The following ASTN2 variants were observed in gnomAD, a reference collection of about 807,000 sequenced individuals.
The protein encoded by ASTN2 is astrotactin-2.
Under a neutral mutation model 139.8 loss-of-function variants are expected in ASTN2, and 54 were observed. The ratio of observed to expected loss-of-function variants is 0.39; its 90% CI spans 0.31 to 0.48. The LOEUF (loss-of-function observed/expected upper bound fraction) is 0.48, where lower values mean the gene tolerates loss of function less well. Among genes scored for constraint, ASTN2 ranks in the 20% least tolerant of loss-of-function variants. The pLI, the probability that ASTN2 is intolerant of heterozygous loss-of-function variation, is 0.95. For synonymous variants in ASTN2, 756 were observed against 719.5 expected, an observed-to-expected ratio of 1.05 and a Z score of -0.81; for missense variants, 1,565 against 1,725.1, an observed-to-expected ratio of 0.91 and a Z score of 1.64.
At chr9:117,000,186 C>T (rs999861864) in intron 7 of ASTN2, among the ~76,000 whole-genome samples, 1 of 152,180 alleles carries the variant, frequency 6.6e-6, no homozygotes, top group African/African-American at 2.4e-5. Flanking sequence ...TTTTTCATCT[C>T]ATCCTTATGA....
intron 19 of ASTN2, among the ~76,000 whole-genome samples, chr9:116,534,741 C>T (rs940667859): frequency 6.8e-4 from 103 of 152,094 alleles, no homozygotes; most frequent in Non-Finnish European, 1.2e-3. Flanking sequence ...TGTTTTAATT[C>T]CTGTTCTTTT....
Position 117,214,647 on chromosome 9 carries a change from C to G in ASTN2, c.726G>C (p.Lys242Asn), listed in dbSNP as rs747389913. 1 of 1,564,212 alleles carries G rather than the reference C, an allele frequency of 6.4e-7. No individual in the cohort carries two copies. The part of the protein sequence containing the change: ...RWQKRRRIPQ[K>N]SASTEATHEI... Reference sequence around the variant, plus strand: ...CATGAGTGGCTTCTGTGCTTGCGCTCTTCTGGGGGATGCGGCGACGCTTCT... The same window carrying G: ...CATGAGTGGCTTCTGTGCTTGCGCTGTTCTGGGGGATGCGGCGACGCTTCT... The change falls in exon 3 of 23, where the codon AAG becomes AAC. Residue 242 changes from lysine (K) to asparagine (N), a missense_variant. This residue lies in a region of ASTN2 where 596 missense variants were observed against 576.8 expected (regional missense o/e 1.03). Transcript: ENST00000313400.
chr9:117,364,441 A>G (rs1349750119), intron 1 of ASTN2, among the ~76,000 whole-genome samples: 2 of 152,350 alleles, frequency 1.3e-5, no homozygotes, highest in East Asian at 3.9e-4. Flanking sequence ...GCAAAGAAAA[A>G]TATGAGCCTT....
chr9:116,581,287 C>A (rs1010684226), intron 19 of ASTN2, among the ~76,000 whole-genome samples: 7 of 152,086 alleles, frequency 4.6e-5, no homozygotes, highest in African/African-American at 1.4e-4. Context: ...AATCACAGAC[C>A]TGGGTTCAAA....
intron 20 of ASTN2, among the ~76,000 whole-genome samples, chr9:116,455,136 G>C (rs1455607711): frequency 6.6e-6 from 1 of 152,010 alleles, no homozygotes; most frequent in Non-Finnish European, 1.5e-5. Flanking sequence ...ATCACCTGAG[G>C]TCAGGAGTTC....
intron 19 of ASTN2, 103 bp from the exon 20 acceptor site, chr9:116,487,603 G>A: frequency 8.9e-7 from 1 of 1,123,806 alleles, no homozygotes; most frequent in Non-Finnish European, 1.2e-6. Flanking sequence ...CCATTATCAA[G>A]AAAAATAATG....
In ASTN2 at chr9:117,263,818, T is replaced by C. The variant is rs145437411; in HGVS notation, c.630+27508A>G. On this transcript the variant is annotated intron_variant, in intron 2 of 22. Coordinates refer to ENST00000313400, the MANE Select transcript of ASTN2 (RefSeq NM_001365068.1). ...CTACAACTGAGCACAGTATTCAATGTAGTGACTATTCAAATCAGAACATCC... is the reference window on the plus strand; with the variant it reads ...CTACAACTGAGCACAGTATTCAATGCAGTGACTATTCAAATCAGAACATCC... Among the ~76,000 whole-genome samples, 275 of 152,306 alleles carry C rather than the reference T, an allele frequency of 1.8e-3. 4 individuals carry two copies. The highest frequency in any genetic ancestry group is 6.2e-3 in the African/African-American group (258 of 41,568).
At chr9:116,921,721 C>T (rs143349881) in intron 10 of ASTN2, among the ~76,000 whole-genome samples, 110 of 152,132 alleles carry the variant, frequency 7.2e-4, no homozygotes, top group Non-Finnish European at 1.3e-3. Context: ...GAAGCAGGCA[C>T]CTTCTTCACA....
chr9:116,884,072 A>G (rs1333973696), intron 10 of ASTN2, among the ~76,000 whole-genome samples: 2 of 152,200 alleles, frequency 1.3e-5, no homozygotes, highest in Non-Finnish European at 2.9e-5. Flanking sequence ...GCATGAGGCA[A>G]GTAGAAGGTA....
At chr9:116,833,435 C>CTT (rs11288397) in intron 11 of ASTN2, among the ~76,000 whole-genome samples, 1 of 138,974 alleles carries the variant, frequency 7.2e-6, no homozygotes, top group Non-Finnish European at 1.6e-5. Flanking sequence ...TTATTTTGCT[C>CTT]TTTTTTTTTT....
chr9:117,121,009 G>A (rs1234247170), intron 4 of ASTN2, among the ~76,000 whole-genome samples: 1 of 152,124 alleles, frequency 6.6e-6, no homozygotes, highest in Non-Finnish European at 1.5e-5. Flanking sequence ...AATACAGCCT[G>A]GGGTACACAG....
chr9:117,058,729 C>A (rs903642438), intron 5 of ASTN2, among the ~76,000 whole-genome samples: 1 of 152,130 alleles, frequency 6.6e-6, no homozygotes, highest in Admixed American at 6.5e-5. Flanking sequence ...GACATGGACG[C>A]CATCCTCATG....
chr9:117,414,464 T>G lies in ASTN2; in HGVS notation c.442+33A>C. The G allele has an allele frequency of 6.2e-7, 1 of 1,602,658 alleles. No individual in the cohort carries two copies. The highest frequency in any genetic ancestry group is 8.5e-7 in the Non-Finnish European group (1 of 1,174,958). ...CATGACGCAGGGGCTCGGGGTTCCTTGGGATCTAGCGCGTGCCGGCGCCCA... is the reference window on the plus strand; with the variant it reads ...CATGACGCAGGGGCTCGGGGTTCCTGGGGATCTAGCGCGTGCCGGCGCCCA... On this transcript the variant is annotated intron_variant, in intron 1 of 22. Coordinates refer to ENST00000313400, the MANE Select transcript of ASTN2 (RefSeq NM_001365068.1). The surrounding 1 kb of genome is among the most constrained non-coding windows in gnomAD (Gnocchi z 4.2).
chr9:117,312,952 A>C (rs1828023532), intron 1 of ASTN2, among the ~76,000 whole-genome samples: 1 of 152,208 alleles, frequency 6.6e-6, no homozygotes. Context: ...TCTCACTCCC[A>C]AATGAAAATT....
intron 16 of ASTN2, among the ~76,000 whole-genome samples, chr9:116,709,838 G>A (rs1183936421): frequency 1.3e-5 from 2 of 152,006 alleles, no homozygotes; most frequent in Non-Finnish European, 2.9e-5. Context: ...GCATTTAATG[G>A]AACTTTCACC....
intron 10 of ASTN2, among the ~76,000 whole-genome samples, chr9:116,875,219 A>G (rs1833265833): frequency 6.6e-6 from 1 of 152,234 alleles, no homozygotes; most frequent in African/African-American, 2.4e-5. Flanking sequence ...AAGTTCTTAA[A>G]GGAAATTAGA....
At chr9:116,782,996 T>C (rs188958167) in intron 13 of ASTN2, among the ~76,000 whole-genome samples, 1 of 152,238 alleles carries the variant, frequency 6.6e-6, no homozygotes, top group East Asian at 1.9e-4. Context: ...TAATTTATCA[T>C]GTGATCCAGG....
intron 1 of ASTN2, among the ~76,000 whole-genome samples, chr9:117,349,606 C>T (rs940016114): frequency 2.6e-5 from 4 of 152,148 alleles, no homozygotes; most frequent in African/African-American, 9.7e-5. Context: ...ATGGTTATTC[C>T]TTCCTCCAGG....
chr9:116,745,967 T>C (rs1007323569), intron 13 of ASTN2, among the ~76,000 whole-genome samples: 4 of 152,134 alleles, frequency 2.6e-5, no homozygotes, highest in African/African-American at 7.2e-5. Context: ...GATGTTTCTT[T>C]CTGGAGGTTC....
Sources: allele counts gnomAD v4.1 joint callset (sites outside exome capture counted in the v4.1 genomes callset), GRCh38; gene constraint gnomAD v4.1.1; regional missense constraint gnomAD v4.1.1; non-coding constraint Gnocchi (gnomAD v3.1); transcripts MANE v1.5; gene names NCBI Gene and HGNC (gene_info 2026-07-23, HGNC 2026-07-21).